THSD4: variants seen among roughly 807,000 people sequenced by gnomAD.
The protein encoded by THSD4 is thrombospondin type-1 domain-containing protein 4.
A neutral mutation model predicts 119.0 loss-of-function variants in THSD4; 69 were observed. The observed-to-expected ratio is 0.58, with a 90% CI of 0.48 to 0.71. The LOEUF is 0.71. Ranked by LOEUF, THSD4 falls within the 30% of genes least tolerant of loss-of-function variation. The pLI is 0.00. For synonymous variants in THSD4, 524 were observed against 540.4 expected (o/e 0.97, Z 0.42); for missense variants, 1,393 against 1,391.1 (o/e 1.00, Z -0.02).
At chr15:71,706,720 A>G (rs1012971476) in intron 8 of THSD4, among the ~76,000 whole-genome samples, 6 of 152,152 alleles carry the variant, frequency 3.9e-5, no homozygotes, top group Non-Finnish European at 7.3e-5. Context: ...AAGGGTTAAC[A>G]TGCTACCAAC....
chr15:71,442,547 C>A, intron 7 of THSD4, among the ~76,000 whole-genome samples: 1 of 99,478 alleles, frequency 1.0e-5, no homozygotes, highest in Non-Finnish European at 2.0e-5. Flanking sequence ...CCAGCCTGGG[C>A]AACAGAGCAA....
intron 6 of THSD4, among the ~76,000 whole-genome samples, chr15:71,332,349 A>AT (rs1240487043): frequency 6.6e-6 from 1 of 152,244 alleles, no homozygotes; most frequent in Non-Finnish European, 1.5e-5. Context: ...CCAGACGGCT[A>AT]TAAGGATAAG....
At chr15:71,258,184 T>G (rs2044342484) in intron 6 of THSD4, among the ~76,000 whole-genome samples, 1 of 152,172 alleles carries the variant, frequency 6.6e-6, no homozygotes, top group Non-Finnish European at 1.5e-5. Flanking sequence ...TTTTTTGTTT[T>G]TGTTTTGTTT....
intron 7 of THSD4, among the ~76,000 whole-genome samples, chr15:71,462,316 C>A (rs1408963397): frequency 6.6e-6 from 1 of 152,076 alleles, no homozygotes; most frequent in Non-Finnish European, 1.5e-5. Flanking sequence ...AGCACCAGCA[C>A]ATCTGGCTAA....
At chr15:71,583,948 G>C (rs536356227) in intron 7 of THSD4, among the ~76,000 whole-genome samples, 2 of 152,142 alleles carry the variant, frequency 1.3e-5, no homozygotes, top group South Asian at 2.1e-4. Flanking sequence ...CAAGTCCACT[G>C]TTCCTTATGG....
chr15:71,309,987 A>G (rs2045088206), intron 6 of THSD4, among the ~76,000 whole-genome samples: 1 of 152,056 alleles, frequency 6.6e-6, no homozygotes, highest in African/African-American at 2.4e-5. Flanking sequence ...GCTTGTCTTC[A>G]CCCTGCAAAT....
intron 7 of THSD4, among the ~76,000 whole-genome samples, chr15:71,604,919 G>T (rs2050081026): frequency 6.6e-6 from 1 of 151,962 alleles, no homozygotes; most frequent in African/African-American, 2.4e-5. Context: ...GAAAAATAAA[G>T]CAATAAAGGT....
chr15:71,688,727 G>GTGTGTA (rs2051975759), intron 8 of THSD4, among the ~76,000 whole-genome samples: 1 of 151,102 alleles, frequency 6.6e-6, no homozygotes, highest in Admixed American at 6.6e-5. Context: ...GTGTGTGTGT[G>GTGTGTA]TGTGTGTGTG....
At chr15:71,190,157 AT>A (rs2043658298) in intron 3 of THSD4, among the ~76,000 whole-genome samples, 1 of 152,116 alleles carries the variant, frequency 6.6e-6, no homozygotes, top group Admixed American at 6.5e-5. Context: ...GGTCCCTCTC[AT>A]CTCTCTGTAG....
At chr15:71,542,980 G>A (rs2048782408) in intron 7 of THSD4, among the ~76,000 whole-genome samples, 1 of 151,930 alleles carries the variant, frequency 6.6e-6, no homozygotes, top group African/African-American at 2.4e-5. Context: ...ACAAAGAAAG[G>A]CTGAGAAATG....
At chr15:71,370,476 G>C (rs571333112) in intron 6 of THSD4, among the ~76,000 whole-genome samples, 1 of 152,106 alleles carries the variant, frequency 6.6e-6, no homozygotes, top group African/African-American at 2.4e-5. Context: ...ATTTTGGTAC[G>C]TTGTGTCTTT....
chr15:71,724,270 T>G (rs868333095), intron 8 of THSD4, among the ~76,000 whole-genome samples: 1 of 45,418 alleles, frequency 2.2e-5, no homozygotes, highest in Non-Finnish European at 6.6e-5. Flanking sequence ...TGATGGGATA[T>G]ATATATATAT....
intron 6 of THSD4, among the ~76,000 whole-genome samples, chr15:71,374,565 T>A (rs1293295694): frequency 1.3e-5 from 2 of 152,162 alleles, no homozygotes; most frequent in African/African-American, 4.8e-5. Flanking sequence ...GTTCTGCTGT[T>A]AGAAAGGCTG....
At chr15:71,168,309 T>G (rs2043315279) in intron 3 of THSD4, among the ~76,000 whole-genome samples, 2 of 152,224 alleles carry the variant, frequency 1.3e-5, no homozygotes, top group Admixed American at 6.5e-5. Context: ...ATGAACAAGT[T>G]TTTTTACAAG....
chr15:71,397,674 A>G (rs1013580992), intron 6 of THSD4, among the ~76,000 whole-genome samples: 3 of 152,230 alleles, frequency 2.0e-5, no homozygotes, highest in African/African-American at 7.2e-5. Context: ...AAGAATTAAG[A>G]GTTTAATCGG....
intron 6 of THSD4, among the ~76,000 whole-genome samples, chr15:71,335,325 CAG>C (rs1178935387): frequency 1.3e-5 from 2 of 152,050 alleles, no homozygotes; most frequent in Admixed American, 1.3e-4. Flanking sequence ...TTCAAGGAAA[CAG>C]AATTTCCTAC....
At chr15:71,377,887 C>A (rs912473052) in intron 6 of THSD4, among the ~76,000 whole-genome samples, 1 of 82,872 alleles carries the variant, frequency 1.2e-5, no homozygotes, top group Non-Finnish European at 2.5e-5. Context: ...CACACACACA[C>A]ACACACACAC....
At chr15:71,263,211 A>G (rs189908978) in intron 6 of THSD4, among the ~76,000 whole-genome samples, 24 of 151,988 alleles carry the variant, frequency 1.6e-4, no homozygotes, top group South Asian at 6.3e-4. Context: ...AAGTGAGAAT[A>G]TGCAGTATTT....
At chr15:71,586,754 T>C (rs983277731) in intron 7 of THSD4, among the ~76,000 whole-genome samples, 1 of 152,196 alleles carries the variant, frequency 6.6e-6, no homozygotes, top group African/African-American at 2.4e-5. Flanking sequence ...CGTGGGATTA[T>C]CCAGGGTATG....
Sources: allele counts gnomAD v4.1 joint callset (sites outside exome capture counted in the v4.1 genomes callset), GRCh38; gene constraint gnomAD v4.1.1; transcripts MANE v1.5; gene names NCBI Gene and HGNC (gene_info 2026-07-23, HGNC 2026-07-21).